The following UBE2V2 variants were observed in gnomAD, a reference collection of about 807,000 sequenced individuals.
UBE2V2 encodes the protein ubiquitin-conjugating enzyme E2 variant 2.
UBE2V2 carries 9 observed loss-of-function variants against 17.2 expected under a neutral mutation model. The ratio of observed to expected loss-of-function variants is 0.52; its 90% CI spans 0.32 to 0.91. The LOEUF is 0.91. UBE2V2 is among the 40% of genes least tolerant of loss of function. The pLI is 0.04. For missense variants in UBE2V2, 133 were observed against 182.6 expected, an observed-to-expected ratio of 0.73 and a Z score of 1.56; for synonymous variants, 61 against 57.5, an observed-to-expected ratio of 1.06 and a Z score of -0.28.
In UBE2V2 at chr8:48,061,600, A is replaced by G. The variant is rs1405400703; in HGVS notation, c.*772A>G. ...TGTGCCATTTCTATTATGTTGATGT[A>G]TATGTACAGTACCTTGCCAGGGAAG... On this transcript the variant is annotated 3_prime_UTR_variant, in exon 4 of 4. Transcript: ENST00000523111. 1 of 152,748 alleles carries G rather than the reference A, an allele frequency of 6.5e-6. No individual in the cohort carries two copies. The highest frequency in any genetic ancestry group is 1.9e-4 in the East Asian group (1 of 5,184). 9.5% of individuals were successfully genotyped at this position (152,748 alleles called of 1,614,324 possible).
At chr8:48,032,695 G>T (rs4873773) in intron 1 of UBE2V2, among the ~76,000 whole-genome samples, 18,384 of 152,160 alleles carry the variant, frequency 0.12, 1,709 homozygotes, top group African/African-American at 0.23. Flanking sequence ...ATTTGAGGCT[G>T]TAGTGAGCCA....
upstream of UBE2V2, among the ~76,000 whole-genome samples, chr8:48,006,879 A>AT (rs1325252432): frequency 4.6e-5 from 7 of 151,164 alleles, no homozygotes; most frequent in South Asian, 4.2e-4. Context: ...TTTATTTTTT[A>AT]TTTTTTTTTA....
chr8:48,018,797 A>G (rs12679739), intron 1 of UBE2V2, among the ~76,000 whole-genome samples: 33,370 of 152,204 alleles, frequency 0.22, 4,406 homozygotes, highest in South Asian at 0.43. Flanking sequence ...TTTCAGATCT[A>G]TTAATATTTG....
chr8:48,055,052 C>T (rs1192875191), intron 3 of UBE2V2, among the ~76,000 whole-genome samples: 1 of 151,846 alleles, frequency 6.6e-6, no homozygotes, highest in Non-Finnish European at 1.5e-5. Context: ...ATTCTCTCTA[C>T]TTATTTTTAT....
At chr8:48,015,986 C>T (rs1445806011) in intron 1 of UBE2V2, among the ~76,000 whole-genome samples, 1 of 151,624 alleles carries the variant, frequency 6.6e-6, no homozygotes, top group African/African-American at 2.4e-5. Context: ...CAACCTCCAC[C>T]TCCTGGGTTC....
intron 3 of UBE2V2, among the ~76,000 whole-genome samples, chr8:48,052,686 C>T (rs1585444417): frequency 6.6e-6 from 1 of 152,188 alleles, no homozygotes; most frequent in East Asian, 1.9e-4. Context: ...CAGAGGGATC[C>T]TCCTAAGAGA....
chr8:48,000,914 G>A, the UBE2V2 span, among the ~76,000 whole-genome samples: 4 of 149,410 alleles, frequency 2.7e-5, no homozygotes, highest in Non-Finnish European at 5.9e-5. Flanking sequence ...GGCAAGTGAA[G>A]TAGCAGAAGG....
chr8:48,061,488 A>G lies in UBE2V2; in HGVS notation c.*660A>G, dbSNP rs954058908. The G allele has an allele frequency of 4.6e-5, 7 of 152,648 alleles. No individual in the cohort carries two copies. The highest frequency in any genetic ancestry group is 1.3e-4 in the Admixed American group (2 of 15,284). 9.5% of individuals were successfully genotyped at this position (152,648 alleles called of 1,614,324 possible). A position where few individuals can be genotyped will look rare whatever the true frequency, so the allele number is the denominator to read the frequency against. On this transcript the variant is annotated 3_prime_UTR_variant, in exon 4 of 4. Transcript: ENST00000523111. ...CATTTAAGTTTAAGTGAAGTCAACAAAAAGGAAATAGGTGTATGGATATGT... is the reference window on the plus strand; with the variant it reads ...CATTTAAGTTTAAGTGAAGTCAACAGAAAGGAAATAGGTGTATGGATATGT...
At chr8:48,024,122 T>C (rs1329097104) in intron 1 of UBE2V2, among the ~76,000 whole-genome samples, 1 of 152,170 alleles carries the variant, frequency 6.6e-6, no homozygotes, top group Non-Finnish European at 1.5e-5. Flanking sequence ...GATAAATCCT[T>C]GTGGCTGTGT....
chr8:48,033,221 C>G (rs1003399174), intron 1 of UBE2V2, among the ~76,000 whole-genome samples: 1 of 151,688 alleles, frequency 6.6e-6, no homozygotes, highest in Non-Finnish European at 1.5e-5. Context: ...GTGTCTTTCT[C>G]TGTTGCCCAG....
At chr8:48,055,846 C>T (rs2091568212) in intron 3 of UBE2V2, among the ~76,000 whole-genome samples, 1 of 151,680 alleles carries the variant, frequency 6.6e-6, no homozygotes, top group Non-Finnish European at 1.5e-5. Flanking sequence ...GCAAGCTCTG[C>T]CTCCTGGGTT....
chr8:48,028,399 C>T (rs191340633), intron 1 of UBE2V2, among the ~76,000 whole-genome samples: 19 of 148,314 alleles, frequency 1.3e-4, no homozygotes, highest in Admixed American at 8.9e-4. Context: ...AGTGCAATGG[C>T]GCAATCTTGG....
At chr8:48,004,511 TG>T (rs2091170764), upstream of UBE2V2, among the ~76,000 whole-genome samples, 1 of 149,090 alleles carries the variant, frequency 6.7e-6, no homozygotes, top group South Asian at 2.1e-4. Context: ...TTTCCTCTTC[TG>T]TTTTTTTTTT....
chr8:48,007,778 C>T (rs1309555714), upstream of UBE2V2, among the ~76,000 whole-genome samples: 2 of 151,380 alleles, frequency 1.3e-5, no homozygotes, highest in Non-Finnish European at 2.9e-5. Flanking sequence ...CTCTGTTGCC[C>T]AGGCTGGAGT....
intron 1 of UBE2V2, 65 bp downstream of exon 1, chr8:48,008,535 C>A (rs932714191): frequency 6.6e-7 from 1 of 1,519,792 alleles, no homozygotes; most frequent in Non-Finnish European, 8.8e-7. Flanking sequence ...CCGTCTGCTG[C>A]TGGCGCCCGA....
chr8:48,010,258 A>G (rs779779168), intron 1 of UBE2V2, among the ~76,000 whole-genome samples: 7 of 146,806 alleles, frequency 4.8e-5, no homozygotes, highest in Non-Finnish European at 1.0e-4. Flanking sequence ...TTTTTTTGAG[A>G]TGGAGTCTCG....
At chr8:48,051,375 C>T (rs2091537081) in intron 3 of UBE2V2, among the ~76,000 whole-genome samples, 1 of 152,232 alleles carries the variant, frequency 6.6e-6, no homozygotes, top group South Asian at 2.1e-4. Flanking sequence ...GAAATAGGGC[C>T]TCAGTATCCT....
At chr8:48,013,509 C>T (rs995516912) in intron 1 of UBE2V2, among the ~76,000 whole-genome samples, 2 of 151,964 alleles carry the variant, frequency 1.3e-5, no homozygotes, top group African/African-American at 4.8e-5. Context: ...TGGGGTTTCA[C>T]CGTGTTAGCC....
intron 1 of UBE2V2, 111 bp downstream of exon 1, chr8:48,008,581 C>G: frequency 1.4e-6 from 2 of 1,420,230 alleles, no homozygotes; most frequent in Non-Finnish European, 1.9e-6. Context: ...AGTGCGCTGT[C>G]TCGAATGCCG....
Sources: gnomAD v4.1 joint callset for allele counts (sites outside exome capture counted in the v4.1 genomes callset) on GRCh38, gnomAD v4.1.1 for gene constraint, MANE v1.5 for transcripts, NCBI Gene and HGNC (gene_info 2026-07-23, HGNC 2026-07-21) for gene names.